The following BCAT1 variants were observed in gnomAD, a reference collection of about 807,000 sequenced individuals.
BCAT1 encodes the protein branched-chain-amino-acid aminotransferase, cytosolic.
A neutral mutation model predicts 52.4 loss-of-function variants in BCAT1; 48 were observed. The observed-to-expected ratio is 0.92, with a 90% CI of 0.73 to 1.16. The LOEUF (loss-of-function observed/expected upper bound fraction) is 1.16. Among genes scored for constraint, BCAT1 ranks in the 50% most tolerant of loss-of-function variants. The pLI is 0.00. For missense variants in BCAT1, 451 were observed against 457.1 expected (o/e 0.99, Z 0.12); for synonymous variants, 167 against 161.3 (o/e 1.04, Z -0.27).
chr12:24,897,642 CT>C (rs1942990984), intron 2 of BCAT1, among the ~76,000 whole-genome samples: 2 of 152,172 alleles, frequency 1.3e-5, no homozygotes, highest in African/African-American at 4.8e-5. Flanking sequence ...CAACCTCCGC[CT>C]CCCAGGTTCA....
rs148582988 is a variant in BCAT1, at chr12:24,940,315, C to T, written c.6+8612G>A. On this transcript the variant is annotated intron_variant, in intron 1 of 10. Coordinates refer to ENST00000261192, the MANE Select transcript of BCAT1 (RefSeq NM_005504.7). ...TAAAACAATCCCTCATTTCAAGCTT[C>T]GAAGTGTTGTCCTTGAATATCAAGT... Among the ~76,000 whole-genome samples the T allele has an allele frequency of 6.9e-4, 97 of 140,696 alleles. 3 individuals are homozygous for T. The South Asian group carries it at 0.02, about 29-fold the overall frequency. The allele number at this position is 140,696 out of a possible 152,430, so 92.3% of individuals were successfully genotyped here.
intron 6 of BCAT1, among the ~76,000 whole-genome samples, chr12:24,848,313 C>A (rs986682309): frequency 3.9e-5 from 6 of 152,144 alleles, no homozygotes; most frequent in African/African-American, 1.2e-4. Flanking sequence ...AGTTTTTCTT[C>A]TTATTATCAT....
At chr12:24,915,260 T>C (rs1469815792) in intron 1 of BCAT1, among the ~76,000 whole-genome samples, 1 of 152,096 alleles carries the variant, frequency 6.6e-6, no homozygotes, top group Non-Finnish European at 1.5e-5. Flanking sequence ...TAGAATAAAA[T>C]GTCAAGCAAG....
At chr12:24,907,085 C>G (rs1943237826) in intron 1 of BCAT1, among the ~76,000 whole-genome samples, 1 of 152,242 alleles carries the variant, frequency 6.6e-6, no homozygotes. Flanking sequence ...CTCCAGCTCA[C>G]CTTTTGCTAG....
chr12:24,879,801 G>A (rs1942443497), intron 4 of BCAT1, among the ~76,000 whole-genome samples: 1 of 152,174 alleles, frequency 6.6e-6, no homozygotes, highest in Non-Finnish European at 1.5e-5. Flanking sequence ...TCTGTACAAA[G>A]GCACTAATAA....
At chr12:24,863,103 CTT>C (rs1435143465) in intron 5 of BCAT1, among the ~76,000 whole-genome samples, 5 of 152,134 alleles carry the variant, frequency 3.3e-5, no homozygotes, top group Non-Finnish European at 5.9e-5. Flanking sequence ...CTGATCAACT[CTT>C]TTAAGTTTTT....
At chr12:24,897,797 A>C (rs926363938) in intron 2 of BCAT1, among the ~76,000 whole-genome samples, 4 of 152,060 alleles carry the variant, frequency 2.6e-5, no homozygotes, top group Non-Finnish European at 5.9e-5. Flanking sequence ...CAGGTGACCC[A>C]CCCACCTCGG....
chr12:24,836,118 C>T (rs1361625438), intron 8 of BCAT1, among the ~76,000 whole-genome samples: 1 of 152,026 alleles, frequency 6.6e-6, no homozygotes, highest in Non-Finnish European at 1.5e-5. Context: ...CATGGTTACA[C>T]TGGTATAAAT....
chr12:24,923,875 G>C (rs1239711417), intron 1 of BCAT1, among the ~76,000 whole-genome samples: 2 of 152,204 alleles, frequency 1.3e-5, no homozygotes, highest in Admixed American at 1.3e-4. Flanking sequence ...GTGAAAAGCA[G>C]AATCTGCTCA....
At chr12:24,867,064 A>G (rs1942041166) in intron 5 of BCAT1, among the ~76,000 whole-genome samples, 1 of 151,988 alleles carries the variant, frequency 6.6e-6, no homozygotes, top group Non-Finnish European at 1.5e-5. Context: ...AACCCACCGC[A>G]AGGAACGAAC....
chr12:24,917,555 T>G (rs1489159346), intron 1 of BCAT1, among the ~76,000 whole-genome samples: 1 of 152,220 alleles, frequency 6.6e-6, no homozygotes, highest in Non-Finnish European at 1.5e-5. Flanking sequence ...TAAGACTACT[T>G]GTCAAGGTCC....
intron 10 of BCAT1, 103 bp from the exon 11 acceptor site, chr12:24,818,152 T>A: frequency 8.6e-7 from 1 of 1,160,994 alleles, no homozygotes; most frequent in Non-Finnish European, 1.3e-6. Flanking sequence ...AAGGTTCGCT[T>A]CTGCTTTGAA....
intron 3 of BCAT1, among the ~76,000 whole-genome samples, chr12:24,883,276 A>G (rs1942555837): frequency 2.6e-5 from 4 of 152,192 alleles, no homozygotes; most frequent in Admixed American, 6.5e-5. Context: ...CAGAGTAGCA[A>G]CTTCCTAAGG....
chr12:24,918,275 T>C (rs1943448592), intron 1 of BCAT1, among the ~76,000 whole-genome samples: 1 of 152,194 alleles, frequency 6.6e-6, no homozygotes, highest in South Asian at 2.1e-4. Context: ...CTAAGTACTC[T>C]TCTAAGAACC....
At chr12:24,858,574 C>A (rs1941760026) in intron 5 of BCAT1, among the ~76,000 whole-genome samples, 1 of 152,140 alleles carries the variant, frequency 6.6e-6, no homozygotes, top group African/African-American at 2.4e-5. Flanking sequence ...TTGGCCATGC[C>A]CCCTAGCTAT....
intron 3 of BCAT1, among the ~76,000 whole-genome samples, chr12:24,881,908 T>C (rs1055910724): frequency 3.9e-5 from 6 of 152,100 alleles, no homozygotes; most frequent in African/African-American, 1.4e-4. Context: ...ACCAGGCAGC[T>C]CAAGACCATA....
chr12:24,878,103 G>A (rs115321699), intron 5 of BCAT1, among the ~76,000 whole-genome samples: 18,053 of 150,846 alleles, frequency 0.12, 1,139 homozygotes, highest in East Asian at 0.17. Context: ...GCAGTCAGCC[G>A]TGATTGCATC....
chr12:24,919,835 C>A (rs1038290578), intron 1 of BCAT1, among the ~76,000 whole-genome samples: 3 of 152,140 alleles, frequency 2.0e-5, no homozygotes, highest in Admixed American at 6.5e-5. Context: ...CATATAGTTT[C>A]TGTGGTAGTG....
At chr12:24,884,013 C>T (rs1197754882) in intron 3 of BCAT1, among the ~76,000 whole-genome samples, 1 of 152,112 alleles carries the variant, frequency 6.6e-6, no homozygotes, top group Non-Finnish European at 1.5e-5. Flanking sequence ...GGACCCTTAT[C>T]CAAAGGAATT....
Sources: allele counts gnomAD v4.1 joint callset (sites outside exome capture counted in the v4.1 genomes callset), GRCh38; gene constraint gnomAD v4.1.1; transcripts MANE v1.5; gene names NCBI Gene and HGNC (gene_info 2026-07-23, HGNC 2026-07-21).